The following NDRG1 variants were observed in gnomAD, a reference collection of about 807,000 sequenced individuals.
NDRG1 encodes the protein N-myc downstream regulated 1.
In NDRG1, 32 loss-of-function variants were observed where a neutral mutation model predicts 56.9. The ratio of observed to expected loss-of-function variants is 0.56; its 90% CI spans 0.42 to 0.76. The LOEUF (loss-of-function observed/expected upper bound fraction) is 0.76. NDRG1 is among the 30% of genes least tolerant of loss of function. The pLI is 0.00. For synonymous variants in NDRG1, 211 were observed against 204.1 expected (o/e 1.03, Z -0.29); for missense variants, 507 against 545.7 (o/e 0.93, Z 0.71).
chr8:133,262,948 T>C (rs1449916705), intron 4 of NDRG1, among the ~76,000 whole-genome samples: 2 of 152,190 alleles, frequency 1.3e-5, no homozygotes, highest in Non-Finnish European at 2.9e-5. Context: ...GGTCCTTGAA[T>C]TGCCAAATAG....
chr8:133,254,657 C>T, intron 8 of NDRG1, 62 bp from the exon 9 acceptor site: 2 of 1,541,696 alleles, frequency 1.3e-6, no homozygotes, highest in South Asian at 1.2e-5. Context: ...ACAAGGTCAG[C>T]AAAACCCCAC....
chr8:133,291,040 C>G (rs1246065069), intron 1 of NDRG1, among the ~76,000 whole-genome samples: 1 of 152,188 alleles, frequency 6.6e-6, no homozygotes, highest in Non-Finnish European at 1.5e-5. Context: ...GTTGTGGGTG[C>G]AGGTGTGGCA....
At chr8:133,285,010 G>C in intron 1 of NDRG1, 1 of 374,820 alleles carries the variant, frequency 2.7e-6, no homozygotes, top group Non-Finnish European at 5.4e-6. Flanking sequence ...GCACTTCCTG[G>C]ATCAAAGCAG....
At chr8:133,254,616 T>C (rs1299788091) in intron 8 of NDRG1, 21 bp from the exon 9 acceptor site, 3 of 1,613,088 alleles carry the variant, frequency 1.9e-6, no homozygotes, top group Non-Finnish European at 2.5e-6. Context: ...GTAAAGTGGG[T>C]GGATGAGAAA....
At chr8:133,279,966 C>T (rs1157970173) in intron 3 of NDRG1, among the ~76,000 whole-genome samples, 4 of 152,308 alleles carry the variant, frequency 2.6e-5, no homozygotes, top group East Asian at 3.9e-4. Context: ...CACGCCCCAC[C>T]GTTCTGGCCA....
At chr8:133,284,202 T>C in intron 2 of NDRG1, 47 bp downstream of exon 2, 1 of 1,573,814 alleles carries the variant, frequency 6.4e-7, no homozygotes, top group Non-Finnish European at 8.7e-7. Flanking sequence ...TGTGTGTCTA[T>C]GTGCACATGT....
chr8:133,285,500 G>A (rs1013013237), intron 1 of NDRG1, among the ~76,000 whole-genome samples: 8 of 152,230 alleles, frequency 5.3e-5, no homozygotes, highest in Admixed American at 1.3e-4. Context: ...ATGGTCGAGA[G>A]AATGCAAGCC....
intron 2 of NDRG1, 96 bp from the exon 3 acceptor site, chr8:133,280,363 A>G: frequency 1.8e-6 from 2 of 1,140,474 alleles, no homozygotes; most frequent in South Asian, 2.5e-5. Context: ...CTGAATCTGT[A>G]CCTACACTTC....
intron 15 of NDRG1, chr8:133,240,768 C>T (rs1855333058): frequency 6.6e-6 from 1 of 152,410 alleles, no homozygotes; most frequent in South Asian, 2.1e-4. Flanking sequence ...CTCCAGAACA[C>T]ACTCTCAAAG....
At chr8:133,288,666 T>A (rs114146753) in intron 1 of NDRG1, among the ~76,000 whole-genome samples, 4,134 of 152,174 alleles carry the variant, frequency 0.027, 80 homozygotes, top group African/African-American at 0.04. Flanking sequence ...ATCAAAGAGG[T>A]CCTCCAGCAG....
rs1207669290 is a variant in NDRG1, at chr8:133,297,165, C to G, written c.-50G>C. ...CGAGGGAGAAAGGAAAGGACGGTGC[C>G]GAGGCTGGCGGCCCAGCGCCCCGCG... On this transcript the variant is annotated 5_prime_UTR_variant, in exon 1 of 16. Transcript: ENST00000323851. 6.6e-6 allele frequency: 1 copy of G among 152,328 alleles called. No homozygotes were observed. Among genetic ancestry groups the G allele is most frequent in the Non-Finnish European group, 1.5e-5 (1 of 68,124 alleles). 9.4% of individuals were successfully genotyped at this position (152,328 alleles called of 1,614,324 possible). A position where few individuals can be genotyped will look rare whatever the true frequency, so the allele number is the denominator to read the frequency against.
intron 1 of NDRG1, among the ~76,000 whole-genome samples, chr8:133,295,720 T>C (rs1479037758): frequency 1.3e-5 from 2 of 152,228 alleles, no homozygotes; most frequent in African/African-American, 2.4e-5. Flanking sequence ...TATTTAGATA[T>C]GTTCTTTTGA....
At position 133,256,997 on chromosome 8, in the gene NDRG1, C is replaced by T. The variant is rs377453718; in HGVS notation, c.451-134G>A. ...GGCAGCAGAGCAGGCTGCTGCTCCCCGGCCCCACCCCATGCAAAACTGAGG... is the reference window on the plus strand; with the variant it reads ...GGCAGCAGAGCAGGCTGCTGCTCCCTGGCCCCACCCCATGCAAAACTGAGG... On this transcript the variant is annotated intron_variant, in intron 7 of 15. Transcript: ENST00000323851. The T allele has an allele frequency of 2.0e-4, 163 of 808,592 alleles. 1 individual carries two copies. The East Asian group carries it at 3.2e-3, about 16-fold the overall frequency. 50.1% of individuals were successfully genotyped at this position (808,592 alleles called of 1,614,324 possible).
intron 3 of NDRG1, among the ~76,000 whole-genome samples, chr8:133,278,819 G>A (rs1857603859): frequency 6.6e-6 from 1 of 151,892 alleles, no homozygotes; most frequent in Non-Finnish European, 1.5e-5. Flanking sequence ...CCCAGAGTCT[G>A]GCACCACTTC....
chr8:133,271,778 TAAAAAAAAAAAAAA>T (rs66733314), intron 3 of NDRG1, among the ~76,000 whole-genome samples: 3 of 30,468 alleles, frequency 9.8e-5, no homozygotes, highest in African/African-American at 1.3e-4. Flanking sequence ...AGACCCTGTC[TAAAAAAAAAAAAAA>T]AAAAAAAAAA....
At chr8:133,272,138 A>C (rs1427159292) in intron 3 of NDRG1, among the ~76,000 whole-genome samples, 1 of 152,232 alleles carries the variant, frequency 6.6e-6, no homozygotes, top group Non-Finnish European at 1.5e-5. Flanking sequence ...TTATGTTGAC[A>C]TCAGGTCAAG....
In NDRG1 at chr8:133,247,779, C is replaced by A. The variant is rs946208674; in HGVS notation, c.807+96G>T. 26 of 1,293,078 alleles carry A rather than the reference C, an allele frequency of 2.0e-5. No individual in the cohort carries two copies. The South Asian group carries it at 3.1e-4, about 15-fold the overall frequency. 80.1% of individuals were successfully genotyped at this position (1,293,078 alleles called of 1,614,324 possible). A position where few individuals can be genotyped will look rare whatever the true frequency, so the allele number is the denominator to read the frequency against. Reference sequence around the variant, plus strand: ...AAAAACATCACCTGCCCTGATGGGGCAGAGGAGAGGAGGGGCAGGCAGGGC... The same window carrying A: ...AAAAACATCACCTGCCCTGATGGGGAAGAGGAGAGGAGGGGCAGGCAGGGC... On this transcript the variant is annotated intron_variant, in intron 12 of 15. Coordinates refer to ENST00000323851, the MANE Select transcript of NDRG1 (RefSeq NM_006096.4).
chr8:133,292,759 T>C (rs1326546749), intron 1 of NDRG1, among the ~76,000 whole-genome samples: 1 of 152,114 alleles, frequency 6.6e-6, no homozygotes, highest in Non-Finnish European at 1.5e-5. Flanking sequence ...AACAGAACTC[T>C]ATGCAGATTT....
intron 5 of NDRG1, among the ~76,000 whole-genome samples, chr8:133,260,457 CTAG>C (rs753399276): frequency 9.9e-5 from 15 of 152,190 alleles, no homozygotes; most frequent in Non-Finnish European, 1.9e-4. Flanking sequence ...ACATAGTAAA[CTAG>C]GGGGAAAATG....
Sources: gnomAD v4.1 joint callset for allele counts (sites outside exome capture counted in the v4.1 genomes callset) on GRCh38, gnomAD v4.1.1 for gene constraint, MANE v1.5 for transcripts, NCBI Gene and HGNC (gene_info 2026-07-23, HGNC 2026-07-21) for gene names.